AKR1B15: variants seen among roughly 807,000 people sequenced by gnomAD.
The protein encoded by AKR1B15 is estradiol 17-beta-dehydrogenase AKR1B15.
AKR1B15 carries 49 observed loss-of-function variants against 38.5 expected under a neutral mutation model. The observed-to-expected ratio is 1.27, with a 90% CI of 1.01 to 1.62. The LOEUF is 1.62. Ranked by LOEUF, AKR1B15 falls within the 40% of genes most tolerant of loss-of-function variation. The pLI is 0.00. For synonymous variants in AKR1B15, 137 were observed against 135.5 expected, an observed-to-expected ratio of 1.01 and a Z score of -0.08; for missense variants, 411 against 381.6, an observed-to-expected ratio of 1.08 and a Z score of -0.64.
At chr7:134,578,506 G>A (rs1463835773) in intron 11 of AKR1B15, among the ~76,000 whole-genome samples, 1 of 152,142 alleles carries the variant, frequency 6.6e-6, no homozygotes, top group Non-Finnish European at 1.5e-5. Context: ...TCTCAGATAA[G>A]TTGTTGAAAA....
intron 11 of AKR1B15, 113 bp from the exon 12 acceptor site, chr7:134,579,394 G>A (rs1237799386): frequency 2.4e-6 from 2 of 840,518 alleles, no homozygotes; most frequent in Non-Finnish European, 3.6e-6. Context: ...CTTGCAGGGA[G>A]GAGGCTGAGA....
intron 10 of AKR1B15, among the ~76,000 whole-genome samples, chr7:134,577,351 G>C (rs140879729): frequency 2.0e-5 from 3 of 152,308 alleles, no homozygotes; most frequent in African/African-American, 7.2e-5. Flanking sequence ...CACAAGAGCA[G>C]ACTGTCCTGG....
intron 1 of AKR1B15, among the ~76,000 whole-genome samples, chr7:134,552,483 G>A (rs1431286978): frequency 6.6e-6 from 1 of 152,106 alleles, no homozygotes; most frequent in Non-Finnish European, 1.5e-5. Context: ...GATTCTGTGG[G>A]CTATAGAGGG....
chr7:134,560,338 C>T (rs1161297061), intron 2 of AKR1B15, among the ~76,000 whole-genome samples: 1 of 152,100 alleles, frequency 6.6e-6, no homozygotes, highest in Non-Finnish European at 1.5e-5. Context: ...AAGAGGGTCC[C>T]TGTCTTCCCT....
rs139668126 is a variant in AKR1B15 at position 134,556,287 on chromosome 7, G to A, written c.-146-449G>A. On this transcript the variant is annotated intron_variant, in intron 1 of 11. Coordinates refer to ENST00000457545, the MANE Select transcript of AKR1B15 (RefSeq NM_001080538.3). ...ACCCAGCCCGATGTCCATTTTGGAC[G>A]GGATACATCACCTCCTTAATCTCAC... Among the ~76,000 whole-genome samples the A allele has an allele frequency of 3.9e-5, 6 of 152,266 alleles. No homozygotes were observed. The East Asian group carries it at 5.8e-4, about 15-fold the overall frequency.
intron 11 of AKR1B15, among the ~76,000 whole-genome samples, chr7:134,577,995 G>C (rs10229876): frequency 0.38 from 57,633 of 151,930 alleles, 11,667 homozygotes; most frequent in African/African-American, 0.52. Context: ...TCTGGATGTA[G>C]AGCTAGAATT....
Position 134,577,677 on chromosome 7 carries a change from A to G in AKR1B15, c.910-27A>G, listed in dbSNP as rs2551480. ...CCACAGCAGTAACAGCCTTACCGATAATGTATTGGAATTCTTTCCTTTCTA... is the reference window on the plus strand; with the variant it reads ...CCACAGCAGTAACAGCCTTACCGATGATGTATTGGAATTCTTTCCTTTCTA... On this transcript the variant is annotated intron_variant, in intron 10 of 11. Coordinates refer to ENST00000457545, the MANE Select transcript of AKR1B15 (RefSeq NM_001080538.3). The G allele has an allele frequency of 4.3e-6, 7 of 1,609,396 alleles. No individual in the cohort carries two copies. The South Asian group carries it at 6.7e-5, about 15-fold the overall frequency.
intron 1 of AKR1B15, among the ~76,000 whole-genome samples, chr7:134,550,427 C>T (rs1793927578): frequency 1.3e-5 from 2 of 152,092 alleles, no homozygotes; most frequent in Non-Finnish European, 2.9e-5. Flanking sequence ...GCTTTCGAGT[C>T]GTGGAGACAC....
In AKR1B15 at chr7:134,573,223, G is replaced by A. The variant is rs532447205; in HGVS notation, c.513+1542G>A. ...TTTTTATATTTTTAGTAGAGATGAG[G>A]TTTCACCATGTTGGCCAGGCTGGTC... On this transcript the variant is annotated intron_variant, in intron 6 of 11. Coordinates refer to ENST00000457545, the MANE Select transcript of AKR1B15 (RefSeq NM_001080538.3). The A allele has an allele frequency of 1.5e-5, 3 of 202,320 alleles. No homozygotes were observed. In the East Asian group the frequency reaches 5.6e-4, roughly 38 times the overall value. The allele number at this position is 202,320 out of a possible 1,614,324, so 12.5% of individuals were successfully genotyped here. A position where few individuals can be genotyped will look rare whatever the true frequency, so the allele number is the denominator to read the frequency against.
intron 1 of AKR1B15, among the ~76,000 whole-genome samples, chr7:134,555,721 A>G (rs890810302): frequency 4.6e-5 from 7 of 152,120 alleles, no homozygotes; most frequent in African/African-American, 1.7e-4. Flanking sequence ...TCTGCCGATC[A>G]TGAGAGCAGG....
At chr7:134,576,468 A>T in intron 9 of AKR1B15, 38 bp downstream of exon 9, 1 of 1,603,948 alleles carries the variant, frequency 6.2e-7, no homozygotes, top group East Asian at 2.2e-5. Context: ...CCAACCACTC[A>T]TGCTTCCAGT....
Position 134,576,364 on chromosome 7 carries a change from C to T in AKR1B15, c.759C>T (p.Asp253=), listed in dbSNP as rs754993370. The T allele has an allele frequency of 1.2e-6, 2 of 1,613,994 alleles. No homozygotes were observed. The highest frequency in any genetic ancestry group is 1.7e-6 in the Non-Finnish European group (2 of 1,179,996). ...SPDRPWAKPE[D]PSLLEDPKIK... is the part of the protein sequence containing the mutation. Reference sequence around the variant, plus strand: ...CTGCCCCTAGGGCCAAACCTGAGGACCCTTCCCTGCTGGAGGATCCCAAGA... The same window carrying T: ...CTGCCCCTAGGGCCAAACCTGAGGATCCTTCCCTGCTGGAGGATCCCAAGA... Residue 253 remains aspartate, a synonymous_variant, in exon 9 of 12, where the codon GAC becomes GAT. Coordinates refer to ENST00000457545, the MANE Select transcript of AKR1B15 (RefSeq NM_001080538.3).
At chr7:134,570,576 A>C (rs1794647661) in intron 5 of AKR1B15, 1 of 152,162 alleles carries the variant, frequency 6.6e-6, no homozygotes, top group Admixed American at 6.6e-5. Context: ...TTCTCAGACC[A>C]GCCAACACTT....
In AKR1B15 at chr7:134,576,357, C is replaced by T. The variant is rs1304397359; in HGVS notation, c.752C>T (p.Pro251Leu). 10 of 1,614,106 alleles carry T rather than the reference C, an allele frequency of 6.2e-6. No individual in the cohort carries two copies. Among genetic ancestry groups the T allele is most frequent in the Non-Finnish European group, 8.5e-6 (10 of 1,179,984 alleles). The part of the protein sequence containing the change: ...LGSPDRPWAK[P>L]EDPSLLEDPK... ...CATCTTTCTGCCCCTAGGGCCAAAC[C>T]TGAGGACCCTTCCCTGCTGGAGGAT... Residue 251 changes from proline (P) to leucine (L), a missense_variant, in exon 9 of 12, where the codon CCT becomes CTT. Transcript: ENST00000457545.
chr7:134,576,370 C>G lies in AKR1B15; in HGVS notation c.765C>G (p.Ser255=), dbSNP rs1794768596. The G allele has an allele frequency of 6.2e-7, 1 of 1,614,124 alleles. No individual in the cohort carries two copies. The change falls in exon 9 of 12, where the codon TCC becomes TCG. Residue 255 remains serine (S), a synonymous_variant. Coordinates refer to ENST00000457545, the MANE Select transcript of AKR1B15 (RefSeq NM_001080538.3). ...CTAGGGCCAAACCTGAGGACCCTTC[C>G]CTGCTGGAGGATCCCAAGATTAAGG... ...DRPWAKPEDP[S]LLEDPKIKEI... is the part of the protein sequence containing the mutation.
chr7:134,563,793 T>C (rs1340148831), intron 2 of AKR1B15, among the ~76,000 whole-genome samples: 2 of 152,176 alleles, frequency 1.3e-5, no homozygotes, highest in Non-Finnish European at 1.5e-5. Context: ...AAACAGTTTT[T>C]TCTCCAATGG....
chr7:134,560,807 G>T (rs191529003), intron 2 of AKR1B15, among the ~76,000 whole-genome samples: 1 of 152,134 alleles, frequency 6.6e-6, no homozygotes, highest in Non-Finnish European at 1.5e-5. Context: ...TTGAGCAAAG[G>T]CCATTCCAAC....
rs531844105 is a variant in AKR1B15 at position 134,579,471 on chromosome 7, AAC to A, written c.993-32_993-31del. 27 of 1,534,750 alleles carry A rather than the reference AAC, an allele frequency of 1.8e-5. No homozygotes were observed. In the East Asian group the frequency reaches 3.2e-4, roughly 18 times the overall value. On this transcript the variant is annotated intron_variant, in intron 11 of 11. Coordinates refer to ENST00000457545, the MANE Select transcript of AKR1B15 (RefSeq NM_001080538.3). ...TCAGCGAGAGTTGTTGCTTTGATGG[AAC>A]ACAGTTTCTTTTTTTTTTTCTCTCT...
chr7:134,568,054 G>A, intron 3 of AKR1B15, 104 bp from the exon 4 acceptor site: 4 of 1,396,778 alleles, frequency 2.9e-6, no homozygotes, highest in Non-Finnish European at 3.9e-6. Context: ...GAGTTGGGAG[G>A]ATTGTTTGAA....
Sources: allele counts gnomAD v4.1 joint callset (sites outside exome capture counted in the v4.1 genomes callset), GRCh38; gene constraint gnomAD v4.1.1; transcripts MANE v1.5; gene names NCBI Gene and HGNC (gene_info 2026-07-23, HGNC 2026-07-21).